CHST11: variants seen among roughly 807,000 people sequenced by gnomAD.
CHST11 encodes carbohydrate sulfotransferase 11.
In CHST11, 9 loss-of-function variants were observed where a neutral mutation model predicts 30.4. The ratio of observed to expected loss-of-function variants is 0.30; its 90% confidence interval spans 0.18 to 0.52. CHST11 has a LOEUF of 0.52. Ranked by LOEUF, CHST11 falls within the 20% of genes least tolerant of loss-of-function variation. CHST11 has a pLI of 0.97. For missense variants in CHST11, 348 were observed against 460.6 expected, an observed-to-expected ratio of 0.76 and a Z score of 2.24; for synonymous variants, 152 against 187.8, an observed-to-expected ratio of 0.81 and a Z score of 1.56.
chr12:104,734,076 C>T (rs1219961587), intron 2 of CHST11, among the ~76,000 whole-genome samples: 1 of 152,234 alleles, frequency 6.6e-6, no homozygotes, highest in South Asian at 2.1e-4. Context: ...CAGGGCTTCC[C>T]CTGCCAGGAG....
intron 2 of CHST11, among the ~76,000 whole-genome samples, chr12:104,627,210 A>G (rs1592802494): frequency 6.6e-6 from 1 of 151,970 alleles, no homozygotes; most frequent in Non-Finnish European, 1.5e-5. Context: ...CATTGTCTGG[A>G]TGGAACACAG....
chr12:104,607,857 G>T (rs1052487099), intron 2 of CHST11, among the ~76,000 whole-genome samples: 1 of 152,118 alleles, frequency 6.6e-6, no homozygotes, highest in African/African-American at 2.4e-5. Context: ...AAAAACTGGC[G>T]TGCATCTTAT....
At chr12:104,544,872 A>G (rs1409623636) in intron 1 of CHST11, among the ~76,000 whole-genome samples, 2 of 147,784 alleles carry the variant, frequency 1.4e-5, no homozygotes, top group African/African-American at 4.9e-5. Context: ...GTAAATTTAT[A>G]TAGGGTGGAT....
chr12:104,606,087 G>T (rs2039001975), intron 2 of CHST11, among the ~76,000 whole-genome samples: 1 of 146,772 alleles, frequency 6.8e-6, no homozygotes, highest in African/African-American at 2.5e-5. Flanking sequence ...ATAGGGCACA[G>T]CAGATCCAAT....
intron 2 of CHST11, among the ~76,000 whole-genome samples, chr12:104,741,217 A>G (rs312173): frequency 0.23 from 34,560 of 152,152 alleles, 4,270 homozygotes; most frequent in East Asian, 0.44. Context: ...AAGGTGGTGG[A>G]AATGGCTCCG....
chr12:104,590,529 G>A lies in CHST11; in HGVS notation c.119-11377G>A, dbSNP rs150531831. ...TATTGTGATAGACAAGACAGTCCAA[G>A]TCCTTTTGCTCATGAAACTTAGGGT... On this transcript the variant is annotated intron_variant, in intron 1 of 2. Coordinates refer to ENST00000303694, the MANE Select transcript of CHST11 (RefSeq NM_018413.6). Among the ~76,000 whole-genome samples, 9 of 152,282 alleles carry A rather than the reference G, an allele frequency of 5.9e-5. No homozygotes were observed. In the East Asian group the frequency reaches 1.7e-3, roughly 29 times the overall value.
chr12:104,585,142 T>C (rs2038790231), intron 1 of CHST11, among the ~76,000 whole-genome samples: 2 of 152,216 alleles, frequency 1.3e-5, no homozygotes, highest in Non-Finnish European at 2.9e-5. Context: ...AGGCATGCCT[T>C]TCCTTGGGGG....
intron 2 of CHST11, among the ~76,000 whole-genome samples, chr12:104,681,825 C>CTTTTTTTTTTT (rs149441295): frequency 1.2e-5 from 1 of 85,086 alleles, no homozygotes; most frequent in African/African-American, 4.7e-5. Flanking sequence ...GTCTGTTTTG[C>CTTTTTTTTTTT]TTTTTTTTTT....
intron 1 of CHST11, among the ~76,000 whole-genome samples, chr12:104,477,626 T>G (rs910364646): frequency 3.9e-5 from 6 of 152,112 alleles, no homozygotes; most frequent in Admixed American, 2.6e-4. Context: ...TCACCTCTTG[T>G]GCCATGGGAG....
chr12:104,508,725 G>A (rs887816538), intron 1 of CHST11, among the ~76,000 whole-genome samples: 4 of 152,192 alleles, frequency 2.6e-5, no homozygotes, highest in African/African-American at 9.7e-5. Flanking sequence ...GATCATATAT[G>A]AGAAATGTGG....
Position 104,711,479 on chromosome 12 carries a change from T to C in CHST11, c.205-45470T>C, listed in dbSNP as rs1345498995. ...TAAACAGCCAGGCTCATTTTTTTTT[T>C]AAAGTCCTTAATGGCGATTTCCCAA... is the stretch of plus-strand genomic sequence containing the variant. On this transcript the variant is annotated intron_variant, in intron 2 of 2. Transcript: ENST00000303694. Among the ~76,000 whole-genome samples the C allele has an allele frequency of 2.6e-5, 4 of 152,066 alleles. No homozygotes were observed. The South Asian group carries it at 8.3e-4, about 32-fold the overall frequency.
intron 1 of CHST11, among the ~76,000 whole-genome samples, chr12:104,541,119 CT>C: frequency 4.5e-5 from 2 of 44,422 alleles, no homozygotes; most frequent in Admixed American, 2.4e-4. Context: ...CTCTCCCTCT[CT>C]CTCTCTCTCT....
intron 2 of CHST11, among the ~76,000 whole-genome samples, chr12:104,682,611 T>G (rs1296159151): frequency 6.6e-6 from 1 of 152,228 alleles, no homozygotes; most frequent in African/African-American, 2.4e-5. Flanking sequence ...AAAGATTTCA[T>G]CTCTCTGGTG....
chr12:104,704,120 C>T (rs1187952048), intron 2 of CHST11, among the ~76,000 whole-genome samples: 1 of 152,134 alleles, frequency 6.6e-6, no homozygotes, highest in Non-Finnish European at 1.5e-5. Flanking sequence ...GGAAGCAATG[C>T]ACACACTGCT....
At chr12:104,673,927 A>G (rs1592831718) in intron 2 of CHST11, among the ~76,000 whole-genome samples, 1 of 152,214 alleles carries the variant, frequency 6.6e-6, no homozygotes, top group East Asian at 1.9e-4. Context: ...GCCTCTCCAC[A>G]GACGTTGGTG....
At position 104,498,620 on chromosome 12, in the gene CHST11, C is replaced by T. The variant is rs529688787; in HGVS notation, c.118+41091C>T. On this transcript the variant is annotated intron_variant, in intron 1 of 2. Transcript: ENST00000303694. ...CCTTCAAAGATGCTTTTATTGAAAA[C>T]GTCCCTATAGGACCTTTTTCACTGA... is the stretch of plus-strand genomic sequence containing the variant. Among the ~76,000 whole-genome samples the T allele has an allele frequency of 4.6e-5, 7 of 152,286 alleles. No homozygotes were observed. In the East Asian group the frequency reaches 9.7e-4, roughly 21 times the overall value.
At chr12:104,641,440 C>T (rs1375539907) in intron 2 of CHST11, among the ~76,000 whole-genome samples, 2 of 152,132 alleles carry the variant, frequency 1.3e-5, no homozygotes, top group African/African-American at 2.4e-5. Context: ...CTTGCTGGCA[C>T]CCAAAAGCGT....
At chr12:104,506,549 C>T (rs772917603) in intron 1 of CHST11, among the ~76,000 whole-genome samples, 2 of 152,128 alleles carry the variant, frequency 1.3e-5, no homozygotes, top group Non-Finnish European at 2.9e-5. Flanking sequence ...CTCAGATAGT[C>T]GATTCATTAG....
At chr12:104,527,807 G>C (rs117931239) in intron 1 of CHST11, among the ~76,000 whole-genome samples, 10,733 of 152,250 alleles carry the variant, frequency 0.07, 475 homozygotes, top group South Asian at 0.15. Flanking sequence ...TCACAGTTCT[G>C]CATGGCTGGG....
Sources: gnomAD v4.1 joint callset for allele counts (sites outside exome capture counted in the v4.1 genomes callset) on GRCh38, gnomAD v4.1.1 for gene constraint, MANE v1.5 for transcripts, NCBI Gene and HGNC (gene_info 2026-07-23, HGNC 2026-07-21) for gene names.